The following ITGB5 variants were observed in gnomAD, a reference collection of about 807,000 sequenced individuals.
ITGB5 encodes the protein integrin beta-5.
Under a neutral mutation model 84.8 loss-of-function variants are expected in ITGB5, and 38 were observed. That is an observed-to-expected ratio of 0.45 (90% CI 0.35 to 0.59). ITGB5 has a LOEUF of 0.59. ITGB5 is among the 20% of genes least tolerant of loss of function. The pLI is 0.01. For missense variants in ITGB5, 905 were observed against 1,034.5 expected (o/e 0.87, Z 1.72); for synonymous variants, 393 against 414.4 (o/e 0.95, Z 0.63).
chr3:124,863,682 C>A (rs1450621057), intron 2 of ITGB5, among the ~76,000 whole-genome samples: 1 of 152,124 alleles, frequency 6.6e-6, no homozygotes, highest in African/African-American at 2.4e-5. Flanking sequence ...CTATGCCTGG[C>A]TAATTTTTGT....
chr3:124,848,508 C>G lies in ITGB5; in HGVS notation c.412G>C (p.Val138Leu). Residue 138 changes from valine to leucine, a missense_variant, in exon 4 of 15, where the codon GTG becomes CTG. This residue lies in a region of ITGB5 where 656 missense variants were observed against 734.7 expected (regional missense o/e 0.89). Coordinates refer to ENST00000296181, the MANE Select transcript of ITGB5 (RefSeq NM_002213.5). ...AGGTCCATCAGGTAGTACAGGTCCA[C>G]AGGATAGTCCTCCACCTGGCGAACC... ...LQVRQVEDYP[V>L]DLYYLMDLSL... The G allele has an allele frequency of 6.2e-7, 1 of 1,614,092 alleles. No homozygotes were observed. Among genetic ancestry groups the G allele is most frequent in the East Asian group, 2.2e-5 (1 of 44,882 alleles).
intron 10 of ITGB5, chr3:124,787,777 A>G (rs2064101728): frequency 6.6e-6 from 1 of 152,246 alleles, no homozygotes; most frequent in African/African-American, 2.4e-5. Context: ...CTGACTCCAG[A>G]GATGAGCAGC....
chr3:124,800,914 C>T (rs958132683), intron 9 of ITGB5, among the ~76,000 whole-genome samples: 9 of 152,222 alleles, frequency 5.9e-5, no homozygotes, highest in Non-Finnish European at 1.2e-4. Flanking sequence ...AGGTCACAGA[C>T]ACAGCAGCCC....
intron 4 of ITGB5, among the ~76,000 whole-genome samples, chr3:124,844,022 G>A (rs185566025): frequency 1.3e-5 from 2 of 152,106 alleles, no homozygotes; most frequent in Admixed American, 1.3e-4. Flanking sequence ...TCCATGTCAT[G>A]GAACAGGAAT....
At chr3:124,871,854 T>A (rs1052901133) in intron 2 of ITGB5, among the ~76,000 whole-genome samples, 4 of 149,470 alleles carry the variant, frequency 2.7e-5, no homozygotes, top group Non-Finnish European at 5.9e-5. Flanking sequence ...TAAAAATAAA[T>A]AATAAATAAA....
At chr3:124,873,586 T>A in intron 1 of ITGB5, 55 bp from the exon 2 acceptor site, 1 of 1,333,786 alleles carries the variant, frequency 7.5e-7, no homozygotes. Flanking sequence ...ACTTCATGGA[T>A]CAAGCCTTTG....
At chr3:124,820,038 C>G (rs1389093984) in intron 6 of ITGB5, among the ~76,000 whole-genome samples, 1 of 152,096 alleles carries the variant, frequency 6.6e-6, no homozygotes, top group Admixed American at 6.6e-5. Context: ...AGGAAAGGAC[C>G]CTCTGGCATT....
In ITGB5 at chr3:124,873,516, G is replaced by C; in HGVS notation, c.86C>G (p.Thr29Ser). 1 of 1,613,162 alleles carries C rather than the reference G, an allele frequency of 6.2e-7. No individual in the cohort carries two copies. The highest frequency in any genetic ancestry group is 2.2e-5 in the East Asian group (1 of 44,870). Residue 29 changes from threonine (T) to serine (S), a missense_variant, in exon 2 of 15, where the codon ACT (threonine) becomes AGT (serine). This residue lies in a region of ITGB5 where 656 missense variants were observed against 734.7 expected (regional missense o/e 0.89). Transcript: ENST00000296181. ...LPRLAGLNICTSGSATSCEEC... is the reference protein window; with the variant it reads ...LPRLAGLNICSSGSATSCEEC... The stretch of plus-strand genomic sequence containing the variant: ...TTCACATGAGGTGGCACTTCCACTA[G>C]TGCATATGTTGAGACCTTTAAAGCA...
intron 1 of ITGB5, among the ~76,000 whole-genome samples, chr3:124,877,851 A>T (rs1252436816): frequency 1.3e-5 from 2 of 149,974 alleles, no homozygotes; most frequent in African/African-American, 4.9e-5. Context: ...AAGCCACATA[A>T]TTTTTTTTTT....
intron 5 of ITGB5, among the ~76,000 whole-genome samples, chr3:124,840,061 A>G (rs1271357103): frequency 6.6e-6 from 1 of 152,240 alleles, no homozygotes; most frequent in Non-Finnish European, 1.5e-5. Context: ...TATTTCAGAA[A>G]GGACAACTGG....
chr3:124,821,626 G>T, intron 5 of ITGB5, 152 bp from the exon 6 acceptor site: 1 of 820,840 alleles, frequency 1.2e-6, no homozygotes, highest in Non-Finnish European at 2.0e-6. Flanking sequence ...AAACCACTGG[G>T]GAGGGATTCC....
At chr3:124,882,354 C>T (rs944165362) in intron 1 of ITGB5, among the ~76,000 whole-genome samples, 3 of 152,118 alleles carry the variant, frequency 2.0e-5, no homozygotes, top group Admixed American at 6.6e-5. Flanking sequence ...AAAAAGAACT[C>T]GGGATATAGG....
chr3:124,894,850 G>T (rs779144312), intron 1 of ITGB5, among the ~76,000 whole-genome samples: 1 of 152,130 alleles, frequency 6.6e-6, no homozygotes, highest in Non-Finnish European at 1.5e-5. Context: ...TGGCTTCCCT[G>T]GGCCACATTG....
rs144024253 is a variant in ITGB5, at chr3:124,899,948, C to T, written c.-255+1318G>A. Among the ~76,000 whole-genome samples the T allele has an allele frequency of 7.3e-3, 1,001 of 136,942 alleles. 4 individuals carry two copies. The highest frequency in any genetic ancestry group is 0.011 in the Non-Finnish European group (709 of 64,550). The allele number at this position is 136,942 out of a possible 152,430, so 89.8% of individuals were successfully genotyped here. Reference sequence around the variant, plus strand: ...CTTTACTGGAGAGAATATGAGAATACTTTATGAAATTTGAACAATGACATA... The same window carrying T: ...CTTTACTGGAGAGAATATGAGAATATTTTATGAAATTTGAACAATGACATA... On this transcript the variant is annotated intron_variant, in intron 1 of 4. Coordinates refer to the ITGB5 transcript ENST00000608657.
At chr3:124,867,761 A>G (rs1222662690) in intron 2 of ITGB5, among the ~76,000 whole-genome samples, 1 of 152,212 alleles carries the variant, frequency 6.6e-6, no homozygotes, top group East Asian at 1.9e-4. Context: ...ATTCCTCATG[A>G]CAACTGGCTA....
chr3:124,791,133 T>C (rs1254894963), intron 10 of ITGB5: 1 of 152,234 alleles, frequency 6.6e-6, no homozygotes, highest in Non-Finnish European at 1.5e-5. Flanking sequence ...AAGAATCTTT[T>C]ATTACATGAA....
At position 124,894,134 on chromosome 3, in the gene ITGB5, C is replaced by CTTT. The variant is rs748784158; in HGVS notation, c.-255+7129_-255+7131dup. 2.0e-4 allele frequency among the ~76,000 whole-genome samples: 21 copies of CTTT among 104,350 alleles called. 2 individuals are homozygous for CTTT. The East Asian group carries it at 2.6e-3, about 13-fold the overall frequency. 68.5% of individuals were successfully genotyped at this position (104,350 alleles called of 152,430 possible). On this transcript the variant is annotated intron_variant, in intron 1 of 4. Transcript: ENST00000608657. Reference sequence around the variant, plus strand: ...TTATAGTAAAAGTTGTGATATTTTTCTTTTTTTTTTTTTTTTTTGAGACAG... The same window carrying CTTT: ...TTATAGTAAAAGTTGTGATATTTTTCTTTTTTTTTTTTTTTTTTTTTGAGACAG...
chr3:124,821,379 C>G lies in ITGB5; in HGVS notation c.876G>C (p.Leu292=), dbSNP rs560255375. The G allele has an allele frequency of 3.7e-6, 6 of 1,614,230 alleles. No individual in the cohort carries two copies. The African/African-American group carries it at 6.7e-5, about 18-fold the overall frequency. The change falls in exon 6 of 15, where the codon CTG becomes CTC. Residue 292 remains leucine, a synonymous_variant. Coordinates refer to ENST00000296181, the MANE Select transcript of ITGB5 (RefSeq NM_002213.5). Reference sequence around the variant, plus strand: ...GGCACTGGCCATCGTGTGGCTGCACCAGGCCTCCCAATTTTCCATCCAATG... The same window carrying G: ...GGCACTGGCCATCGTGTGGCTGCACGAGGCCTCCCAATTTTCCATCCAATG... ...HIALDGKLGG[L]VQPHDGQCHL...
intron 13 of ITGB5, 120 bp downstream of exon 13, chr3:124,766,106 C>A: frequency 1.0e-6 from 1 of 991,592 alleles, no homozygotes; most frequent in East Asian, 2.6e-5. Flanking sequence ...CCCTCCTCTC[C>A]CTGCAGTTTC....
Sources: gnomAD v4.1 joint callset for allele counts (sites outside exome capture counted in the v4.1 genomes callset) on GRCh38, gnomAD v4.1.1 for gene constraint, gnomAD v4.1.1 regional missense constraint, MANE v1.5 for transcripts, NCBI Gene and HGNC (gene_info 2026-07-23, HGNC 2026-07-21) for gene names.